The following AQP9 variants were observed in gnomAD, a reference collection of about 807,000 sequenced individuals.
The protein encoded by AQP9 is aquaporin-9.
A neutral mutation model predicts 23.8 loss-of-function variants in AQP9; 19 were observed. That is an observed-to-expected ratio of 0.80 (90% CI 0.56 to 1.17). The LOEUF (loss-of-function observed/expected upper bound fraction) is 1.17, where lower values mean the gene tolerates loss of function less well. Among genes scored for constraint, AQP9 ranks in the 50% most tolerant of loss-of-function variants. AQP9 has a pLI of 0.00. For missense variants in AQP9, 413 were observed against 362.0 expected, an observed-to-expected ratio of 1.14 and a Z score of -1.14; for synonymous variants, 153 against 131.5, an observed-to-expected ratio of 1.16 and a Z score of -1.12.
At chr15:58,173,599 G>C (rs998959392) in intron 3 of AQP9, among the ~76,000 whole-genome samples, 48 of 152,180 alleles carry the variant, frequency 3.2e-4, no homozygotes, top group African/African-American at 1.1e-3. Context: ...AGATGTCTTT[G>C]AAGGAAGAGA....
chr15:58,183,290 A>C (rs1350245799), intron 5 of AQP9, among the ~76,000 whole-genome samples: 1 of 152,178 alleles, frequency 6.6e-6, no homozygotes, highest in African/African-American at 2.4e-5. Context: ...TTCTCTCTCC[A>C]AAGAAGATGG....
rs1309747190 is a variant in AQP9 at position 58,174,992 on chromosome 15, T to A, written c.451T>A (p.Tyr151Asn). Residue 151 changes from tyrosine (Y) to asparagine (N), a missense_variant, in exon 4 of 6, where the codon TAC becomes AAC. Tyr to Asn is a moderately radical substitution (Grantham distance 143). Transcript: ENST00000219919. ...TGCAACAGCACACATTTTTGCAACA[T>A]ACCCAGCTCCGTATCTATCTCTGGC... The part of the protein sequence containing the change: ...ENATAHIFAT[Y>N]PAPYLSLANA... 4 of 1,614,204 alleles carry A rather than the reference T, an allele frequency of 2.5e-6. No individual in the cohort carries two copies. Among genetic ancestry groups the A allele is most frequent in the Non-Finnish European group, 3.4e-6 (4 of 1,179,996 alleles).
intron 2 of AQP9, among the ~76,000 whole-genome samples, chr15:58,171,356 G>T (rs1898617656): frequency 6.6e-6 from 1 of 152,044 alleles, no homozygotes; most frequent in African/African-American, 2.4e-5. Context: ...CAAAGTGCTG[G>T]GATTACAGGC....
intron 4 of AQP9, among the ~76,000 whole-genome samples, chr15:58,175,575 C>A (rs1313892290): frequency 6.6e-6 from 1 of 152,200 alleles, no homozygotes; most frequent in Admixed American, 6.5e-5. Context: ...AATAGCACAC[C>A]TATTTGGTCA....
At chr15:58,144,270 T>G (rs968388609) in intron 1 of AQP9, among the ~76,000 whole-genome samples, 12 of 151,934 alleles carry the variant, frequency 7.9e-5, no homozygotes, top group Non-Finnish European at 1.6e-4. Flanking sequence ...GCTTTTCATA[T>G]TTGTGTCTTT....
intron 1 of AQP9, among the ~76,000 whole-genome samples, chr15:58,140,247 T>C (rs1254817114): frequency 2.6e-5 from 4 of 152,066 alleles, no homozygotes; most frequent in Non-Finnish European, 5.9e-5. Context: ...TCTGTATTTC[T>C]TAAGAAGAAC....
At position 58,166,683 on chromosome 15, in the gene AQP9, G is replaced by A; in HGVS notation, c.122G>A (p.Cys41Tyr). The change falls in exon 2 of 6, where the codon TGT becomes TAT. Residue 41 changes from cysteine (C) to tyrosine (Y), a missense_variant. Coordinates refer to ENST00000219919, the MANE Select transcript of AQP9 (RefSeq NM_020980.5). ...TTCCTCTCATTCCAGGTCCTTGGAT[G>A]TGGCTGTGTTGCCCAAGCTATTCTC... The part of the protein sequence containing the change: ...LGTFILIVLG[C>Y]GCVAQAILSR... 1 of 1,609,702 alleles carries A rather than the reference G, an allele frequency of 6.2e-7. No individual in the cohort carries two copies. The highest frequency in any genetic ancestry group is 8.5e-7 in the Non-Finnish European group (1 of 1,177,804).
chr15:58,148,757 T>C (rs1246827839), intron 1 of AQP9, among the ~76,000 whole-genome samples: 1 of 152,162 alleles, frequency 6.6e-6, no homozygotes, highest in African/African-American at 2.4e-5. Context: ...AGAGCATTGT[T>C]CTTTTCAGCC....
intron 1 of AQP9, among the ~76,000 whole-genome samples, chr15:58,162,779 C>T (rs58612362): frequency 0.036 from 5,538 of 152,236 alleles, 211 homozygotes; most frequent in African/African-American, 0.096. Flanking sequence ...TCAACATCAA[C>T]CGTGAGATGC....
At chr15:58,141,966 A>G (rs1165374081) in intron 1 of AQP9, among the ~76,000 whole-genome samples, 3 of 152,232 alleles carry the variant, frequency 2.0e-5, no homozygotes, top group African/African-American at 7.2e-5. Context: ...ATTTTGGTCT[A>G]GTACATTATT....
chr15:58,157,907 T>C (rs1898297268), intron 1 of AQP9, among the ~76,000 whole-genome samples: 1 of 152,176 alleles, frequency 6.6e-6, no homozygotes. Context: ...TTTTCATTTC[T>C]AGGTCCCTGA....
At chr15:58,149,608 G>A (rs1898111572) in intron 1 of AQP9, among the ~76,000 whole-genome samples, 1 of 152,176 alleles carries the variant, frequency 6.6e-6, no homozygotes, top group African/African-American at 2.4e-5. Context: ...GTTGTTATTG[G>A]TATTATTGTT....
At chr15:58,169,283 G>C (rs988995264) in intron 2 of AQP9, among the ~76,000 whole-genome samples, 1 of 152,154 alleles carries the variant, frequency 6.6e-6, no homozygotes, top group Non-Finnish European at 1.5e-5. Flanking sequence ...CAAACAGAGT[G>C]GTGTCTGAGA....
At chr15:58,171,062 T>C in intron 2 of AQP9, among the ~76,000 whole-genome samples, 1 of 150,196 alleles carries the variant, frequency 6.7e-6, no homozygotes, top group Non-Finnish European at 1.5e-5. Context: ...GTAGCCAGGA[T>C]CACAGGTGCG....
chr15:58,154,344 C>T (rs1898205571), intron 1 of AQP9: 1 of 152,084 alleles, frequency 6.6e-6, no homozygotes, highest in Non-Finnish European at 1.5e-5. Context: ...TAATGAAACT[C>T]TATTTCCTCT....
At chr15:58,151,436 A>G (rs1469537772) in intron 1 of AQP9, 3 of 152,112 alleles carry the variant, frequency 2.0e-5, no homozygotes, top group African/African-American at 7.2e-5. Context: ...CCTCATTACT[A>G]TATCTTACCC....
At chr15:58,179,646 C>T (rs1423260858) in intron 5 of AQP9, among the ~76,000 whole-genome samples, 1 of 152,088 alleles carries the variant, frequency 6.6e-6, no homozygotes, top group Admixed American at 6.5e-5. Context: ...TTTATGTGAA[C>T]ATTTTAGCTG....
At chr15:58,181,622 C>T (rs945257525) in intron 5 of AQP9, among the ~76,000 whole-genome samples, 5 of 152,098 alleles carry the variant, frequency 3.3e-5, no homozygotes, top group Admixed American at 6.6e-5. Context: ...TGGAAAGGGC[C>T]GTTGTCAGAT....
At position 58,183,384 on chromosome 15, in the gene AQP9, A is replaced by C. The variant is rs550738920; in HGVS notation, c.714-577A>C. ...AACATTGAGGATTTCTGGAAGAGAGAGAGCCATGGCATGACAGCCTTATCA... is the reference window on the plus strand; with the variant it reads ...AACATTGAGGATTTCTGGAAGAGAGCGAGCCATGGCATGACAGCCTTATCA... On this transcript the variant is annotated intron_variant, in intron 5 of 5. Transcript: ENST00000219919. Among the ~76,000 whole-genome samples, 21 of 152,348 alleles carry C rather than the reference A, an allele frequency of 1.4e-4. No homozygotes were observed. The South Asian group carries it at 3.7e-3, about 27-fold the overall frequency.
Sources: allele counts gnomAD v4.1 joint callset (sites outside exome capture counted in the v4.1 genomes callset), GRCh38; gene constraint gnomAD v4.1.1; transcripts MANE v1.5; gene names NCBI Gene and HGNC (gene_info 2026-07-23, HGNC 2026-07-21).